POU3F3: variants seen among roughly 807,000 people sequenced by gnomAD.
POU3F3 encodes POU class 3 homeobox 3.
Under a neutral mutation model 8.6 loss-of-function variants are expected in POU3F3, and 1 was observed. That is an observed-to-expected ratio of 0.12 (90% CI 0.04 to 0.55). POU3F3 has a LOEUF of 0.55. Ranked by LOEUF, POU3F3 falls within the 20% of genes least tolerant of loss-of-function variation. The pLI, the probability that POU3F3 is intolerant of heterozygous loss-of-function variation, is 0.91. For missense variants in POU3F3, 577 were observed against 690.7 expected (o/e 0.84, Z 1.84); for synonymous variants, 418 against 327.4 (o/e 1.28, Z -2.99).
chr2:104,915,118 G>A, the POU3F3 span, among the ~76,000 whole-genome samples: 2 of 152,254 alleles, frequency 1.3e-5, no homozygotes, highest in Non-Finnish European at 2.9e-5. Flanking sequence ...GGAGACCTGA[G>A]TCACTTCTAG....
rs375481587 is a variant in POU3F3 at position 104,855,710 on chromosome 2, C to G, written c.200C>G (p.Pro67Arg). ...AVTSGAYRGDPSSVKMVQSDF... is the reference protein window; with the variant it reads ...AVTSGAYRGDRSSVKMVQSDF... The stretch of plus-strand genomic sequence containing the variant: ...ACCTCGGGCGCCTACCGGGGGGACC[C>G]GTCCTCTGTCAAGATGGTCCAGAGC... Residue 67 changes from proline to arginine, a missense_variant, in exon 1 of 1, where the codon CCG becomes CGG. Around this residue, in one of 7 missense-constraint regions of POU3F3, gnomAD observed 484 missense variants for 422.6 expected, o/e 1.15. Coordinates refer to ENST00000361360, the MANE Select transcript of POU3F3 (RefSeq NM_006236.3). 5.6e-6 allele frequency: 7 copies of G among 1,246,146 alleles called. No homozygotes were observed. Among genetic ancestry groups the G allele is most frequent in the Non-Finnish European group, 7.2e-6 (7 of 971,018 alleles). 77.2% of individuals were successfully genotyped at this position (1,246,146 alleles called of 1,614,324 possible).
the POU3F3 span, among the ~76,000 whole-genome samples, chr2:104,899,196 C>T: frequency 1.7e-4 from 26 of 152,324 alleles, no homozygotes; most frequent in Admixed American, 7.8e-4. Flanking sequence ...ACATAAGCGA[C>T]GGATCGGCAG....
chr2:104,880,743 G>T, the POU3F3 span, among the ~76,000 whole-genome samples: 1 of 152,142 alleles, frequency 6.6e-6, no homozygotes, highest in Admixed American at 6.5e-5. Flanking sequence ...TGGGAGTTCT[G>T]TGCTGTCCCT....
the POU3F3 span, among the ~76,000 whole-genome samples, chr2:104,864,217 C>G: frequency 8.9e-4 from 135 of 152,344 alleles, 3 homozygotes; most frequent in African/African-American, 3.1e-3. Context: ...CCAGTCCGCC[C>G]GCCAAGGAGA....
chr2:104,899,658 G>A, the POU3F3 span, among the ~76,000 whole-genome samples: 11 of 152,296 alleles, frequency 7.2e-5, no homozygotes, highest in East Asian at 1.9e-3. Flanking sequence ...ACCAATCAAA[G>A]GAAGGGCAGA....
chr2:104,860,376 A>T (rs961551701), downstream of POU3F3, among the ~76,000 whole-genome samples: 1 of 152,204 alleles, frequency 6.6e-6, no homozygotes, highest in African/African-American at 2.4e-5. Flanking sequence ...TATAACTGAG[A>T]GGTTTTGTGC....
At chr2:104,920,610 A>G in the POU3F3 span, among the ~76,000 whole-genome samples, 3 of 152,164 alleles carry the variant, frequency 2.0e-5, no homozygotes, top group East Asian at 3.9e-4. Flanking sequence ...TTACCATACC[A>G]TAAAAAGGGG....
At chr2:104,903,010 C>A in the POU3F3 span, among the ~76,000 whole-genome samples, 1 of 152,168 alleles carries the variant, frequency 6.6e-6, no homozygotes. Flanking sequence ...AATGTAATGT[C>A]ATATCGCTGC....
the POU3F3 span, among the ~76,000 whole-genome samples, chr2:104,888,698 C>T: frequency 6.6e-6 from 1 of 152,084 alleles, no homozygotes; most frequent in Non-Finnish European, 1.5e-5. Flanking sequence ...GCCACTCCTA[C>T]CCCACCCATC....
the POU3F3 span, among the ~76,000 whole-genome samples, chr2:104,914,612 G>A: frequency 1.3e-5 from 2 of 152,210 alleles, no homozygotes; most frequent in African/African-American, 4.8e-5. Context: ...GTCAGTGTCC[G>A]TGGTGAGGGT....
chr2:104,884,257 G>A, the POU3F3 span, among the ~76,000 whole-genome samples: 22 of 152,220 alleles, frequency 1.4e-4, no homozygotes, highest in Middle Eastern at 6.8e-3. Flanking sequence ...AAGTCTTTCA[G>A]AACAAACACA....
At chr2:104,870,139 A>G in the POU3F3 span, among the ~76,000 whole-genome samples, 2 of 152,104 alleles carry the variant, frequency 1.3e-5, no homozygotes, top group South Asian at 2.1e-4. Context: ...AAGGGAGAAT[A>G]CCCCAGGCCC....
In POU3F3 at chr2:104,856,104, C is replaced by A. The variant is rs1233903368; in HGVS notation, c.594C>A (p.Ala198=). 1.1e-5 allele frequency: 12 copies of A among 1,080,858 alleles called. No individual in the cohort carries two copies. Among genetic ancestry groups the A allele is most frequent in the South Asian group, 4.2e-5 (1 of 23,680 alleles). The allele number at this position is 1,080,858 out of a possible 1,614,324, so 67.0% of individuals were successfully genotyped here. A position where few individuals can be genotyped will look rare whatever the true frequency, so the allele number is the denominator to read the frequency against. ...GAAAAAAAAA[A]AAAAAAHLPS... Reference sequence around the variant, plus strand: ...CCGCCGCTGCCGCAGCCGCAGCCGCCGCCGCCGCCGCCGCCGCGCACCTCC... The same window carrying A: ...CCGCCGCTGCCGCAGCCGCAGCCGCAGCCGCCGCCGCCGCCGCGCACCTCC... The change falls in exon 1 of 1, where the codon GCC becomes GCA. Residue 198 remains alanine, a synonymous_variant. Coordinates refer to ENST00000361360, the MANE Select transcript of POU3F3 (RefSeq NM_006236.3).
chr2:104,855,831 CGCCGCCGCT>C lies in POU3F3; in HGVS notation c.330_338del (p.Ala113_Ala115del), dbSNP rs747214163. The C allele has an allele frequency of 1.2e-5, 13 of 1,129,760 alleles. No individual in the cohort carries two copies. The African/African-American group carries it at 1.4e-4, about 12-fold the overall frequency. The allele number at this position is 1,129,760 out of a possible 1,614,324, so 70.0% of individuals were successfully genotyped here. A position where few individuals can be genotyped will look rare whatever the true frequency, so the allele number is the denominator to read the frequency against. ...CAGCCCTGCCCCACGCCGCCGCCGCCGCCGCCGCTGCCGCCGCCGCCGCCGTGGAGGCGA... is the reference window on the plus strand; with the variant it reads ...CAGCCCTGCCCCACGCCGCCGCCGCCGCCGCCGCCGCCGCCGTGGAGGCGA... On this transcript the variant is annotated inframe_deletion, in exon 1 of 1. Transcript: ENST00000361360.
the POU3F3 span, among the ~76,000 whole-genome samples, chr2:104,876,796 G>A: frequency 1.3e-5 from 2 of 152,318 alleles, no homozygotes; most frequent in Admixed American, 6.5e-5. Flanking sequence ...AGAAACCAGA[G>A]CAGCAAGCCT....
chr2:104,889,689 C>A, the POU3F3 span, among the ~76,000 whole-genome samples: 2 of 152,200 alleles, frequency 1.3e-5, no homozygotes, highest in Non-Finnish European at 1.5e-5. Context: ...GGAAGGGGCA[C>A]CATCATAGTT....
chr2:104,910,325 A>G, the POU3F3 span, among the ~76,000 whole-genome samples: 1 of 152,264 alleles, frequency 6.6e-6, no homozygotes, highest in African/African-American at 2.4e-5. Context: ...TGGCTCCCCT[A>G]AGACTCAGAA....
Position 104,857,455 on chromosome 2 carries a change from G to T in POU3F3, c.*442G>T, listed in dbSNP as rs1009188814. 6.5e-6 allele frequency: 1 copy of T among 153,592 alleles called. No homozygotes were observed. 9.5% of individuals were successfully genotyped at this position (153,592 alleles called of 1,614,324 possible). The stretch of plus-strand genomic sequence containing the variant: ...TGCCTGACGCACGAAAACTGCACTC[G>T]TGAGGTTTTTCCACCCTGAGATGAC... On this transcript the variant is annotated 3_prime_UTR_variant, in exon 1 of 1. Coordinates refer to ENST00000361360, the MANE Select transcript of POU3F3 (RefSeq NM_006236.3).
the POU3F3 span, among the ~76,000 whole-genome samples, chr2:104,901,663 A>T: frequency 6.6e-6 from 1 of 152,220 alleles, no homozygotes; most frequent in Non-Finnish European, 1.5e-5. Flanking sequence ...CCAGTCCCCG[A>T]GCAGTTTGGT....
Sources: gnomAD v4.1 joint callset for allele counts (sites outside exome capture counted in the v4.1 genomes callset) on GRCh38, gnomAD v4.1.1 for gene constraint, gnomAD v4.1.1 regional missense constraint, MANE v1.5 for transcripts, NCBI Gene and HGNC (gene_info 2026-07-23, HGNC 2026-07-21) for gene names.